ABI2: variants seen among roughly 807,000 people sequenced by gnomAD.
The protein encoded by ABI2 is abl interactor 2.
Under a neutral mutation model 59.2 loss-of-function variants are expected in ABI2, and 25 were observed. The observed-to-expected ratio is 0.42, with a 90% CI of 0.31 to 0.59. The LOEUF (loss-of-function observed/expected upper bound fraction) is 0.59. Among genes scored for constraint, ABI2 ranks in the 20% least tolerant of loss-of-function variants. The probability of loss-of-function intolerance (pLI) is 0.14; values close to 1 mark genes in which losing one functional copy is unlikely to be tolerated. For missense variants in ABI2, 545 were observed against 681.8 expected (o/e 0.80, Z 2.23); for synonymous variants, 213 against 235.5 (o/e 0.90, Z 0.87).
intron 1 of ABI2, among the ~76,000 whole-genome samples, chr2:203,363,873 T>G (rs549035176): frequency 1.6e-4 from 24 of 152,254 alleles, no homozygotes; most frequent in Non-Finnish European, 2.5e-4. Flanking sequence ...CAAGCAATTC[T>G]CCTGCCTCAG....
Position 203,374,498 on chromosome 2 carries a change from CAAAAA to C in ABI2, c.286-5693_286-5689del, listed in dbSNP as rs777951265. On this transcript the variant is annotated intron_variant, in intron 2 of 11. Coordinates refer to ENST00000261018, the MANE Select transcript of ABI2 (RefSeq NM_001375670.1). ...TGGGTGGCAAAGCGAGACTCTGTCT[CAAAAA>C]AAAAAAAAAAAAAAAAGGAATTTCC... Among the ~76,000 whole-genome samples, 11 of 53,854 alleles carry C rather than the reference CAAAAA, an allele frequency of 2.0e-4. No homozygotes were observed. The East Asian group carries it at 5.2e-3, about 25-fold the overall frequency. 35.3% of individuals were successfully genotyped at this position (53,854 alleles called of 152,430 possible). A position where few individuals can be genotyped will look rare whatever the true frequency, so the allele number is the denominator to read the frequency against.
chr2:203,382,374 G>C (rs772230693), intron 4 of ABI2, among the ~76,000 whole-genome samples, 168 bp downstream of exon 4: 2 of 152,088 alleles, frequency 1.3e-5, no homozygotes, highest in Non-Finnish European at 2.9e-5. Flanking sequence ...CATGTTCCTT[G>C]AGGGCAGATA....
chr2:203,420,837 C>CTTGA (rs1350790542), intron 11 of ABI2, among the ~76,000 whole-genome samples: 2 of 151,704 alleles, frequency 1.3e-5, no homozygotes, highest in East Asian at 3.9e-4. Flanking sequence ...TTCTTGGTGC[C>CTTGA]TTGAATGATG....
intron 11 of ABI2, among the ~76,000 whole-genome samples, chr2:203,419,235 G>A (rs978762702): frequency 6.7e-6 from 1 of 149,006 alleles, no homozygotes; most frequent in Non-Finnish European, 1.5e-5. Flanking sequence ...TCAGCCTCCC[G>A]AGTAGCTGGG....
In ABI2 at chr2:203,384,301, T is replaced by TG. The variant is rs796934320; in HGVS notation, c.480+2095_480+2096insG. Among the ~76,000 whole-genome samples, 81 of 119,774 alleles carry TG rather than the reference T, an allele frequency of 6.8e-4. 1 individual carries two copies. Among genetic ancestry groups the TG allele is most frequent in the African/African-American group, 2.1e-3 (63 of 29,340 alleles). 78.6% of individuals were successfully genotyped at this position (119,774 alleles called of 152,430 possible). ...TTGTTTTTGTTTTTGTTTTTTTTTT[T>TG]TTTTTTTTTTTTTTTTTTTTTTTGA... On this transcript the variant is annotated intron_variant, in intron 4 of 11. Coordinates refer to ENST00000261018, the MANE Select transcript of ABI2 (RefSeq NM_001375670.1).
At chr2:203,338,980 AT>A (rs2078160506) in intron 1 of ABI2, among the ~76,000 whole-genome samples, 1 of 11,914 alleles carries the variant, frequency 8.4e-5, no homozygotes, top group Admixed American at 1.2e-3. Context: ...ATATATATAT[AT>A]AAATATATAT....
chr2:203,424,267 C>T (rs917707079), intron 11 of ABI2, among the ~76,000 whole-genome samples: 9 of 152,218 alleles, frequency 5.9e-5, no homozygotes, highest in Middle Eastern at 3.4e-3. Flanking sequence ...TGCACTAAAT[C>T]AAGAGTATTT....
At chr2:203,329,729 G>A (rs1386686684) in intron 1 of ABI2, among the ~76,000 whole-genome samples, 3 of 150,538 alleles carry the variant, frequency 2.0e-5, no homozygotes, top group Non-Finnish European at 4.4e-5. Flanking sequence ...ATCTCTCCAG[G>A]GATCCTTCTT....
At chr2:203,386,539 G>GT in intron 4 of ABI2, 1 of 712,460 alleles carries the variant, frequency 1.4e-6, no homozygotes, top group Non-Finnish European at 1.7e-6. Flanking sequence ...TATTAGGGAA[G>GT]TTTCATAGAG....
chr2:203,384,284 GTTTTTGTTTTTTTTTT>G (rs2096324162), intron 4 of ABI2, among the ~76,000 whole-genome samples: 3 of 48,516 alleles, frequency 6.2e-5, no homozygotes. Context: ...TCTTGTTTTT[GTTTTTGTTTTTTTTTT>G]TTTTTTTTTT....
At chr2:203,362,386 G>C (rs1297697028) in intron 1 of ABI2, among the ~76,000 whole-genome samples, 1 of 152,088 alleles carries the variant, frequency 6.6e-6, no homozygotes, top group African/African-American at 2.4e-5. Context: ...AGGTCATGTT[G>C]TTTGGACGTT....
At chr2:203,329,918 G>T (rs2071830009) in intron 1 of ABI2, among the ~76,000 whole-genome samples, 1 of 151,990 alleles carries the variant, frequency 6.6e-6, no homozygotes, top group Non-Finnish European at 1.5e-5. Flanking sequence ...TGTATTTTTA[G>T]TAAAGATGGG....
At chr2:203,398,805 T>C (rs2153425073) in intron 8 of ABI2, among the ~76,000 whole-genome samples, 1 of 152,326 alleles carries the variant, frequency 6.6e-6, no homozygotes, top group South Asian at 2.1e-4. Flanking sequence ...AAGCATATAG[T>C]ATGTAGCTTT....
intron 10 of ABI2, among the ~76,000 whole-genome samples, chr2:203,412,747 G>T (rs1240246959): frequency 6.6e-6 from 1 of 152,212 alleles, no homozygotes; most frequent in Non-Finnish European, 1.5e-5. Flanking sequence ...CATGTGCCAA[G>T]CACATCCATA....
chr2:203,411,354 C>A lies in ABI2; in HGVS notation c.1262C>A (p.Ala421Asp). Residue 421 changes from alanine (A) to aspartate (D), a missense_variant, in exon 10 of 12, where the codon GCC (alanine) becomes GAC (aspartate). Ala to Asp is a moderately radical substitution (Grantham distance 126). Transcript: ENST00000261018. ...CAGTTACCTTTAATGGGATTTGTGG[C>A]CAGAGTCCAAGAAAATAGTAAGTTT... ...TPQLPLMGFV[A>D]RVQENISDTP... is the part of the protein sequence containing the mutation. 1 of 1,612,972 alleles carries A rather than the reference C, an allele frequency of 6.2e-7. No individual in the cohort carries two copies. Among genetic ancestry groups the A allele is most frequent in the Non-Finnish European group, 8.5e-7 (1 of 1,179,140 alleles).
chr2:203,348,676 G>A lies in ABI2; in HGVS notation c.118-18201G>A, dbSNP rs1185647487. On this transcript the variant is annotated intron_variant, in intron 1 of 11. Coordinates refer to ENST00000261018, the MANE Select transcript of ABI2 (RefSeq NM_001375670.1). ...TTTTTAATAGGCTTTACTTTTTAGA[G>A]CAGTTTTAGGTTTACACTGTGAAAT... is the stretch of plus-strand genomic sequence containing the variant. Among the ~76,000 whole-genome samples, 5 of 152,040 alleles carry A rather than the reference G, an allele frequency of 3.3e-5. No homozygotes were observed. In the East Asian group the frequency reaches 9.7e-4, roughly 29 times the overall value.
chr2:203,390,724 T>A (rs977393058), intron 4 of ABI2, among the ~76,000 whole-genome samples: 1 of 152,218 alleles, frequency 6.6e-6, no homozygotes, highest in Non-Finnish European at 1.5e-5. Context: ...AAACTAAAAT[T>A]TTGTAGTTAT....
At chr2:203,376,546 T>C (rs554054791) in intron 2 of ABI2, among the ~76,000 whole-genome samples, 9 of 152,330 alleles carry the variant, frequency 5.9e-5, no homozygotes, top group African/African-American at 1.9e-4. Context: ...CAAATATATT[T>C]TTAAAGAATT....
intron 8 of ABI2, among the ~76,000 whole-genome samples, chr2:203,400,485 T>C (rs2097176809): frequency 6.6e-6 from 1 of 152,250 alleles, no homozygotes; most frequent in African/African-American, 2.4e-5. Flanking sequence ...TAGTTTGCTA[T>C]AGATTAATTA....
Sources: allele counts gnomAD v4.1 joint callset (sites outside exome capture counted in the v4.1 genomes callset), GRCh38; gene constraint gnomAD v4.1.1; transcripts MANE v1.5; gene names NCBI Gene and HGNC (gene_info 2026-07-23, HGNC 2026-07-21).